The following CELF2 variants were observed in gnomAD, a reference collection of about 807,000 sequenced individuals.
The protein encoded by CELF2 is CUGBP Elav-like family member 2, also known as CUG triplet repeat RNA-binding protein 2.
Under a neutral mutation model 62.6 loss-of-function variants are expected in CELF2, and 8 were observed. The observed-to-expected ratio is 0.13, with a 90% confidence interval of 0.07 to 0.23. The LOEUF is 0.23. Ranked by LOEUF, CELF2 falls within the 10% of genes least tolerant of loss-of-function variation. CELF2 has a pLI of 1.00. For synonymous variants in CELF2, 258 were observed against 250.0 expected (o/e 1.03, Z -0.30); for missense variants, 333 against 671.0 (o/e 0.50, Z 5.56).
the CELF2 span, among the ~76,000 whole-genome samples, chr10:10,741,448 T>G: frequency 8.0e-6 from 1 of 125,524 alleles, no homozygotes; most frequent in Non-Finnish European, 1.6e-5. Context: ...GAGGGAGAGG[T>G]GCGCCACTGC....
At chr10:10,890,647 A>G (rs553912808) in intron 1 of CELF2, among the ~76,000 whole-genome samples, 2 of 152,200 alleles carry the variant, frequency 1.3e-5, no homozygotes, top group African/African-American at 4.8e-5. Flanking sequence ...AGCTGGTTTT[A>G]GTTGTTCTCC....
In CELF2 at chr10:11,223,857, C is replaced by T. The variant is rs1226764021; in HGVS notation, c.354+6350C>T. On this transcript the variant is annotated intron_variant, in intron 3 of 12. Coordinates refer to ENST00000633077, the MANE Select transcript of CELF2 (RefSeq NM_001326342.2). This position sits in a 1 kb window ranked among gnomAD's most constrained non-coding sequence, Gnocchi z 5.1. Reference sequence around the variant, plus strand: ...CATTCTGCAGGCCCAGGCCCCAGGGCAATGGGAAAGTATATTTTAATGCTT... The same window carrying T: ...CATTCTGCAGGCCCAGGCCCCAGGGTAATGGGAAAGTATATTTTAATGCTT... 6.6e-6 allele frequency among the ~76,000 whole-genome samples: 1 copy of T among 151,880 alleles called. No homozygotes were observed. The highest frequency in any genetic ancestry group is 1.5e-5 in the Non-Finnish European group (1 of 67,984).
chr10:10,678,299 C>T, the CELF2 span, among the ~76,000 whole-genome samples: 12 of 151,854 alleles, frequency 7.9e-5, no homozygotes, highest in Admixed American at 4.6e-4. Context: ...ATTGTTTTGC[C>T]TTACTGTGAC....
chr10:11,054,479 G>A (rs1027923743), intron 1 of CELF2, among the ~76,000 whole-genome samples: 5 of 101,368 alleles, frequency 4.9e-5, no homozygotes, highest in Non-Finnish European at 7.6e-5. Flanking sequence ...AAACAACTGT[G>A]TATGTGTGTT....
At chr10:10,723,458 A>G in the CELF2 span, among the ~76,000 whole-genome samples, 1 of 152,368 alleles carries the variant, frequency 6.6e-6, no homozygotes, top group East Asian at 1.9e-4. Flanking sequence ...TTGCAAATGT[A>G]TCTTCAATTC....
At chr10:11,203,238 G>A (rs1434303796) in intron 2 of CELF2, among the ~76,000 whole-genome samples, 1 of 152,096 alleles carries the variant, frequency 6.6e-6, no homozygotes, top group African/African-American at 2.4e-5. Flanking sequence ...GCTAATCAGT[G>A]TGTGGTGTGG....
chr10:10,910,183 T>C (rs6602460), intron 1 of CELF2, among the ~76,000 whole-genome samples: 130,437 of 152,222 alleles, frequency 0.86, 55,972 homozygotes, highest in East Asian at 0.94. Context: ...AACGAACTTA[T>C]ATAAAATTTT....
chr10:10,637,489 C>T, the CELF2 span, among the ~76,000 whole-genome samples: 1 of 152,152 alleles, frequency 6.6e-6, no homozygotes. Flanking sequence ...GGAAACTTTT[C>T]ACGTCAGCCC....
chr10:11,262,940 C>CTGTTTTTTTTTTTTTTTTT (rs2081116336), intron 5 of CELF2, among the ~76,000 whole-genome samples: 1 of 52,766 alleles, frequency 1.9e-5, no homozygotes, highest in African/African-American at 6.9e-5. Flanking sequence ...AGTGGCTTTA[C>CTGTTTTTTTTTTTTTTTTT]TTTTTTTTTT....
At chr10:10,786,899 A>G in the CELF2 span, 7 of 108,410 alleles carry the variant, frequency 6.5e-5, no homozygotes, top group African/African-American at 2.1e-4. Flanking sequence ...ACACACGTAG[A>G]CACACACACA....
chr10:10,492,632 C>T, the CELF2 span, among the ~76,000 whole-genome samples: 1 of 152,260 alleles, frequency 6.6e-6, no homozygotes, highest in South Asian at 2.1e-4. Context: ...ACGTTTACAG[C>T]AGCATTATTC....
At chr10:10,897,365 C>G (rs2062631539) in intron 1 of CELF2, among the ~76,000 whole-genome samples, 1 of 151,796 alleles carries the variant, frequency 6.6e-6, no homozygotes, top group Non-Finnish European at 1.5e-5. Context: ...ATTGTAGCAA[C>G]AAACTTGGGA....
At chr10:11,158,372 C>G (rs185870124) in intron 1 of CELF2, among the ~76,000 whole-genome samples, 43 of 152,260 alleles carry the variant, frequency 2.8e-4, no homozygotes, top group Admixed American at 2.6e-3. Context: ...GAATGGGAAG[C>G]CCTCAATAAA....
At chr10:10,472,432 A>G in the CELF2 span, among the ~76,000 whole-genome samples, 35 of 152,054 alleles carry the variant, frequency 2.3e-4, no homozygotes, top group East Asian at 6.8e-3. Context: ...TAATTTTTCT[A>G]TAAATTTAAT....
chr10:10,635,122 C>T, the CELF2 span, among the ~76,000 whole-genome samples: 1 of 152,300 alleles, frequency 6.6e-6, no homozygotes, highest in East Asian at 1.9e-4. Flanking sequence ...GCTACCCTCA[C>T]ACTCAAGGGG....
chr10:10,706,495 G>A, the CELF2 span, among the ~76,000 whole-genome samples: 7 of 152,144 alleles, frequency 4.6e-5, no homozygotes, highest in Non-Finnish European at 1.0e-4. Flanking sequence ...TCTTAACCCA[G>A]AGTGTCTCCA....
chr10:10,756,431 T>C, the CELF2 span, among the ~76,000 whole-genome samples: 414 of 152,336 alleles, frequency 2.7e-3, 8 homozygotes, highest in Non-Finnish European at 3.4e-4. Context: ...TAAAACACTC[T>C]CATGGTTTTC....
intron 1 of CELF2, among the ~76,000 whole-genome samples, chr10:10,856,115 T>G (rs1201862419): frequency 6.6e-6 from 1 of 152,178 alleles, no homozygotes; most frequent in Non-Finnish European, 1.5e-5. Context: ...AGCCAGAGCT[T>G]CTACTCCCTT....
the CELF2 span, among the ~76,000 whole-genome samples, chr10:10,663,346 C>T: frequency 6.6e-6 from 1 of 152,058 alleles, no homozygotes; most frequent in Admixed American, 6.5e-5. Context: ...GCAATTCCTC[C>T]CTAGTTTCCC....
Sources: gnomAD v4.1 joint callset for allele counts (sites outside exome capture counted in the v4.1 genomes callset) on GRCh38, gnomAD v4.1.1 for gene constraint, Gnocchi (gnomAD v3.1) non-coding constraint, MANE v1.5 for transcripts, NCBI Gene and HGNC (gene_info 2026-07-23, HGNC 2026-07-21) for gene names.